Variants in KDM4C observed in about 807,000 individuals in gnomAD.
KDM4C encodes the protein lysine demethylase 4C.
KDM4C carries 81 observed loss-of-function variants against 129.3 expected under a neutral mutation model. The ratio of observed to expected loss-of-function variants is 0.63; its 90% CI spans 0.52 to 0.75. The LOEUF (loss-of-function observed/expected upper bound fraction) is 0.75, where lower values mean the gene tolerates loss of function less well. Among genes scored for constraint, KDM4C ranks in the 30% least tolerant of loss-of-function variants. The pLI, the probability that KDM4C is intolerant of heterozygous loss-of-function variation, is 0.00. For missense variants in KDM4C, 1,457 were observed against 1,304.0 expected (o/e 1.12, Z -1.81); for synonymous variants, 573 against 456.1 (o/e 1.26, Z -3.26).
chr9:6,826,463 TA>T (rs138588523), intron 4 of KDM4C, among the ~76,000 whole-genome samples: 2,219 of 152,224 alleles, frequency 0.015, 47 homozygotes, highest in African/African-American at 0.05. Context: ...TAATTGCATA[TA>T]AAAAAAATTT....
chr9:6,899,540 GGGGTGTGTGTGT>G (rs1817024017), intron 8 of KDM4C, among the ~76,000 whole-genome samples: 2 of 64,614 alleles, frequency 3.1e-5, no homozygotes, highest in South Asian at 1.2e-3. Flanking sequence ...CTTTTCCATG[GGGGTGTGTGTGT>G]GTGTGTGTGT....
chr9:7,038,282 C>T lies in KDM4C; in HGVS notation c.2260-8580C>T, dbSNP rs140297639. Among the ~76,000 whole-genome samples, 379 of 152,020 alleles carry T rather than the reference C, an allele frequency of 2.5e-3. 1 individual carries two copies. The highest frequency in any genetic ancestry group is 8.7e-3 in the African/African-American group (360 of 41,508). ...TATTATCAAGAAAGTCTCCCATTTC[C>T]AACACTCTCAAAATCTCAAATTTCA... On this transcript the variant is annotated intron_variant, in intron 15 of 21. Transcript: ENST00000381309.
intron 5 of KDM4C, among the ~76,000 whole-genome samples, chr9:6,858,512 T>C (rs1161286835): frequency 1.3e-5 from 2 of 152,144 alleles, no homozygotes; most frequent in Non-Finnish European, 2.9e-5. Flanking sequence ...CAAATTACTG[T>C]GTTAGGGCTG....
intron 19 of KDM4C, 129 bp from the exon 20 acceptor site, chr9:7,165,109 C>T (rs532172551): frequency 1.3e-5 from 14 of 1,092,086 alleles, no homozygotes; most frequent in Middle Eastern, 2.7e-4. Flanking sequence ...AACACCCATG[C>T]GAGATCATAA....
chr9:6,993,140 T>G (rs796179839), intron 12 of KDM4C, among the ~76,000 whole-genome samples: 16 of 152,268 alleles, frequency 1.1e-4, no homozygotes, highest in African/African-American at 3.9e-4. Flanking sequence ...GGAAAAGATT[T>G]TCCATGTTGA....
chr9:7,008,115 A>G (rs1453700976), intron 12 of KDM4C, among the ~76,000 whole-genome samples: 1 of 152,144 alleles, frequency 6.6e-6, no homozygotes, highest in African/African-American at 2.4e-5. Context: ...CCACTCCCCT[A>G]ATCCCAGGCG....
intron 3 of KDM4C, 32 bp from the exon 4 acceptor site, chr9:6,814,599 G>A (rs1831739242): frequency 2.9e-6 from 4 of 1,368,966 alleles, no homozygotes; most frequent in Non-Finnish European, 4.1e-6. Context: ...TGACTTACTG[G>A]TTTGTACATT....
Position 6,770,543 on chromosome 9 carries a change from A to G in KDM4C, c.-18+12340A>G, listed in dbSNP as rs1027073968. On this transcript the variant is annotated intron_variant, in intron 1 of 21. Coordinates refer to ENST00000381309, the MANE Select transcript of KDM4C (RefSeq NM_015061.6). ...TTCAGTGTCACAGATTGCATATGGC[A>G]TGATAATACATCACATTCATTTCCC... is the stretch of plus-strand genomic sequence containing the variant. Among the ~76,000 whole-genome samples the G allele has an allele frequency of 1.4e-4, 21 of 151,768 alleles. 1 individual carries two copies. Among genetic ancestry groups the G allele is most frequent in the African/African-American group, 5.1e-4 (21 of 41,468 alleles).
intron 17 of KDM4C, among the ~76,000 whole-genome samples, chr9:7,050,090 C>T (rs1351095370): frequency 4.6e-5 from 7 of 152,070 alleles, no homozygotes; most frequent in East Asian, 1.9e-4. Flanking sequence ...CTGGGTGTGC[C>T]GTCTCTGGGG....
chr9:6,980,626 A>C (rs879806023), intron 8 of KDM4C, among the ~76,000 whole-genome samples: 1 of 152,080 alleles, frequency 6.6e-6, no homozygotes, highest in Admixed American at 6.5e-5. Flanking sequence ...ATGGGCAAAT[A>C]ATCTTTCCAT....
chr9:6,997,192 G>T (rs1819918799), intron 12 of KDM4C, among the ~76,000 whole-genome samples: 1 of 151,706 alleles, frequency 6.6e-6, no homozygotes, highest in Non-Finnish European at 1.5e-5. Context: ...TGTAAGGAGA[G>T]GGGGAAAGTG....
chr9:7,043,882 G>T (rs546059504), intron 15 of KDM4C, among the ~76,000 whole-genome samples: 1 of 151,988 alleles, frequency 6.6e-6, no homozygotes, highest in East Asian at 1.9e-4. Context: ...TGTGAAAATG[G>T]TCTTTGCATT....
chr9:6,983,215 A>G (rs1352879722), intron 9 of KDM4C, among the ~76,000 whole-genome samples: 1 of 152,138 alleles, frequency 6.6e-6, no homozygotes, highest in Non-Finnish European at 1.5e-5. Context: ...GACTTCCTAC[A>G]GTGCTTAGTC....
intron 8 of KDM4C, among the ~76,000 whole-genome samples, chr9:6,950,554 C>T (rs926031445): frequency 2.3e-4 from 35 of 152,108 alleles, no homozygotes; most frequent in Admixed American, 3.3e-4. Flanking sequence ...TTTAAGCTGC[C>T]TCATTGTCCC....
chr9:6,829,067 A>C (rs766065591), intron 4 of KDM4C, among the ~76,000 whole-genome samples: 1 of 152,246 alleles, frequency 6.6e-6, no homozygotes, highest in Non-Finnish European at 1.5e-5. Flanking sequence ...ACGTGTCAGC[A>C]ATGGTGGGTG....
chr9:6,777,916 C>CGTTT (rs1823431334), intron 1 of KDM4C, among the ~76,000 whole-genome samples: 1 of 137,674 alleles, frequency 7.3e-6, no homozygotes, highest in Non-Finnish European at 1.6e-5. Flanking sequence ...GTTTTCAGGC[C>CGTTT]TTTTTTTTTT....
At chr9:7,159,921 A>T (rs944102312) in intron 19 of KDM4C, among the ~76,000 whole-genome samples, 4 of 152,144 alleles carry the variant, frequency 2.6e-5, no homozygotes, top group Non-Finnish European at 5.9e-5. Context: ...TATCCTGACG[A>T]GTGTTTTCCA....
chr9:7,015,793 T>C (rs74622166), intron 14 of KDM4C, 60 bp from the exon 15 acceptor site: 40,018 of 1,108,474 alleles, frequency 0.036, 876 homozygotes, highest in Middle Eastern at 0.055. Flanking sequence ...AGTACTGAGA[T>C]CTGCAATATT....
intron 19 of KDM4C, among the ~76,000 whole-genome samples, chr9:7,151,890 C>G (rs913703933): frequency 1.3e-5 from 2 of 152,180 alleles, no homozygotes; most frequent in Non-Finnish European, 2.9e-5. Flanking sequence ...TTAGAAAGCT[C>G]TCACTCTGAA....
Sources: allele counts gnomAD v4.1 joint callset (sites outside exome capture counted in the v4.1 genomes callset), GRCh38; gene constraint gnomAD v4.1.1; transcripts MANE v1.5; gene names NCBI Gene and HGNC (gene_info 2026-07-23, HGNC 2026-07-21).